Variants in CNBD1 observed in about 807,000 individuals in gnomAD.
The protein encoded by CNBD1 is cyclic nucleotide binding domain containing 1.
A neutral mutation model predicts 54.4 loss-of-function variants in CNBD1; 71 were observed. That is an observed-to-expected ratio of 1.30 (90% CI 1.08 to 1.59). CNBD1 has a LOEUF of 1.59. CNBD1 is among the 40% of genes most tolerant of loss of function. CNBD1 has a pLI of 0.00. For missense variants in CNBD1, 659 were observed against 518.0 expected (o/e 1.27, Z -2.64); for synonymous variants, 182 against 170.7 (o/e 1.07, Z -0.51).
chr8:87,141,836 C>A (rs1812376114), intron 4 of CNBD1, among the ~76,000 whole-genome samples: 1 of 152,038 alleles, frequency 6.6e-6, no homozygotes, highest in Non-Finnish European at 1.5e-5. Flanking sequence ...GAAACAATCT[C>A]TCTTAAAATT....
intron 4 of CNBD1, among the ~76,000 whole-genome samples, chr8:86,999,984 T>A: frequency 6.6e-6 from 1 of 152,244 alleles, no homozygotes; most frequent in East Asian, 1.9e-4. Flanking sequence ...TATTATTTTT[T>A]ATTTTTTTTC....
Position 87,119,309 on chromosome 8 carries a change from A to T in CNBD1, c.432-86684A>T, listed in dbSNP as rs189076841. Among the ~76,000 whole-genome samples the T allele has an allele frequency of 3.9e-3, 583 of 150,884 alleles. 2 individuals are homozygous for T. Among genetic ancestry groups the T allele is most frequent in the Non-Finnish European group, 6.3e-3 (429 of 67,870 alleles). On this transcript the variant is annotated intron_variant, in intron 4 of 10. Coordinates refer to ENST00000518476, the MANE Select transcript of CNBD1 (RefSeq NM_173538.3). ...GTAGATACCTTTTACTTCTTGGGTT[A>T]AATTAATTCTTAGGGTTTTTTTTTT...
chr8:86,877,677 G>A (rs1035587101), intron 1 of CNBD1, among the ~76,000 whole-genome samples: 7 of 152,034 alleles, frequency 4.6e-5, no homozygotes, highest in Admixed American at 3.9e-4. Flanking sequence ...CATGTATCAT[G>A]ATTTCTCTTT....
chr8:87,321,966 A>G (rs1453404561), intron 8 of CNBD1, among the ~76,000 whole-genome samples: 1 of 136,030 alleles, frequency 7.4e-6, no homozygotes, highest in African/African-American at 2.8e-5. Context: ...CCCCCACCCC[A>G]CCACAGTCCC....
chr8:87,088,280 C>T (rs891708925), intron 4 of CNBD1, among the ~76,000 whole-genome samples: 3 of 152,148 alleles, frequency 2.0e-5, no homozygotes, highest in African/African-American at 7.2e-5. Flanking sequence ...TGTTGTAACT[C>T]AATTGGACCC....
chr8:87,295,441 A>C (rs1025519890), intron 8 of CNBD1, among the ~76,000 whole-genome samples: 12 of 151,648 alleles, frequency 7.9e-5, no homozygotes, highest in African/African-American at 2.4e-4. Context: ...TCCAGCTGCT[A>C]GATAATAATT....
chr8:87,008,900 G>A (rs907096854), intron 4 of CNBD1, among the ~76,000 whole-genome samples: 1 of 152,080 alleles, frequency 6.6e-6, no homozygotes, highest in Non-Finnish European at 1.5e-5. Flanking sequence ...AATAAACTTA[G>A]ATACTTTCTT....
intron 10 of CNBD1, among the ~76,000 whole-genome samples, chr8:87,380,546 C>G (rs1296829688): frequency 1.3e-5 from 2 of 151,506 alleles, no homozygotes; most frequent in Non-Finnish European, 2.9e-5. Flanking sequence ...TTGTCTATTT[C>G]TGAAAAAAAG....
intron 8 of CNBD1, among the ~76,000 whole-genome samples, chr8:87,329,292 T>C (rs1484536799): frequency 6.6e-6 from 1 of 152,176 alleles, no homozygotes; most frequent in Non-Finnish European, 1.5e-5. Flanking sequence ...AATATCACAT[T>C]GTCTTGATTA....
chr8:87,364,219 A>T (rs1405066627), intron 10 of CNBD1, among the ~76,000 whole-genome samples: 1 of 151,296 alleles, frequency 6.6e-6, no homozygotes, highest in Non-Finnish European at 1.5e-5. Context: ...ATATATTTAT[A>T]AGTATCTATA....
chr8:87,388,942 C>A (rs1014239308), intron 2 of CNBD1, among the ~76,000 whole-genome samples: 3 of 152,120 alleles, frequency 2.0e-5, no homozygotes, highest in Admixed American at 6.6e-5. Context: ...AAGGCTGATT[C>A]AACATATGCA....
intron 4 of CNBD1, among the ~76,000 whole-genome samples, chr8:86,963,766 C>A (rs1807999362): frequency 6.6e-6 from 1 of 152,142 alleles, no homozygotes; most frequent in African/African-American, 2.4e-5. Flanking sequence ...GTCCAACCTC[C>A]TTTCCTTGAT....
At chr8:87,073,425 C>A (rs898681554) in intron 4 of CNBD1, among the ~76,000 whole-genome samples, 3 of 152,158 alleles carry the variant, frequency 2.0e-5, no homozygotes, top group South Asian at 2.1e-4. Context: ...TCGTTCTTAT[C>A]TTTGTGAGCT....
intron 4 of CNBD1, among the ~76,000 whole-genome samples, chr8:87,042,396 C>T (rs1383472208): frequency 1.3e-5 from 2 of 152,130 alleles, no homozygotes; most frequent in Non-Finnish European, 2.9e-5. Context: ...GTAGTGGTGT[C>T]TGCCTTTCTG....
chr8:87,406,479 CTTTTT>C (rs1214001647), intron 2 of CNBD1, among the ~76,000 whole-genome samples: 3 of 82,722 alleles, frequency 3.6e-5, no homozygotes, highest in African/African-American at 1.6e-4. Flanking sequence ...CACACACACA[CTTTTT>C]TTTTTTTTTT....
intron 4 of CNBD1, among the ~76,000 whole-genome samples, chr8:87,077,073 T>A (rs1479214739): frequency 6.6e-6 from 1 of 152,200 alleles, no homozygotes; most frequent in Non-Finnish European, 1.5e-5. Context: ...GGGAAACATT[T>A]ACTTTGATAG....
chr8:87,379,944 C>G (rs934157260), intron 10 of CNBD1, among the ~76,000 whole-genome samples: 1 of 147,838 alleles, frequency 6.8e-6, no homozygotes, highest in Non-Finnish European at 1.5e-5. Flanking sequence ...TACCAGAAAC[C>G]AGTTAGAAAC....
chr8:87,137,091 A>T (rs1298254590), intron 4 of CNBD1, among the ~76,000 whole-genome samples: 4 of 96,624 alleles, frequency 4.1e-5, no homozygotes, highest in African/African-American at 9.2e-5. Flanking sequence ...ATATATATTT[A>T]TATTATATGT....
At chr8:87,197,942 C>G (rs941006987) in intron 4 of CNBD1, among the ~76,000 whole-genome samples, 1 of 152,022 alleles carries the variant, frequency 6.6e-6, no homozygotes, top group Admixed American at 6.5e-5. Flanking sequence ...TGCTGTAGAT[C>G]GGAGAGATTC....
Sources: gnomAD v4.1 joint callset for allele counts (sites outside exome capture counted in the v4.1 genomes callset) on GRCh38, gnomAD v4.1.1 for gene constraint, MANE v1.5 for transcripts, NCBI Gene and HGNC (gene_info 2026-07-23, HGNC 2026-07-21) for gene names.